Variants in CD276 observed in about 807,000 individuals in gnomAD.
CD276 encodes CD276 molecule, also known as CD276 antigen.
CD276 carries 34 observed loss-of-function variants against 50.0 expected under a neutral mutation model. The ratio of observed to expected loss-of-function variants is 0.68; its 90% CI spans 0.52 to 0.91. The LOEUF (loss-of-function observed/expected upper bound fraction) is 0.91, where lower values mean the gene tolerates loss of function less well. CD276 is among the 40% of genes least tolerant of loss of function. The pLI is 0.00. For missense variants in CD276, 634 were observed against 717.5 expected (o/e 0.88, Z 1.33); for synonymous variants, 275 against 313.0 (o/e 0.88, Z 1.28).
intron 7 of CD276, 165 bp downstream of exon 7, chr15:73,708,638 G>A (rs950924317): frequency 1.3e-6 from 1 of 750,060 alleles, no homozygotes; most frequent in South Asian, 1.8e-5. Flanking sequence ...TACGTCTTGT[G>A]TGTGTGAACA....
chr15:73,692,128 A>T (rs1388319380), intron 1 of CD276, among the ~76,000 whole-genome samples: 1 of 151,980 alleles, frequency 6.6e-6, no homozygotes, highest in Non-Finnish European at 1.5e-5. Context: ...TATGCTGTGG[A>T]CATCTCCTCT....
In CD276 at chr15:73,703,859, G is replaced by A. The variant is rs757435411; in HGVS notation, c.934G>A (p.Ala312Thr). Residue 312 changes from alanine to threonine, a missense_variant, in exon 5 of 10, where the codon GCC becomes ACC. Ala to Thr is a moderately conservative substitution (Grantham distance 58). Coordinates refer to ENST00000318443, the MANE Select transcript of CD276 (RefSeq NM_001024736.2). ...DQGSAYANRT[A>T]LFPDLLAQGN... ...GGGCAGCGCCTATGCCAACCGCACG[G>A]CCCTCTTCCCGGACCTGCTGGCACA... 1.1e-5 allele frequency: 17 copies of A among 1,613,542 alleles called. No individual in the cohort carries two copies. In the African/African-American group the frequency reaches 2.1e-4, roughly 20 times the overall value.
At chr15:73,699,113 T>G (rs1900279977) in intron 1 of CD276, among the ~76,000 whole-genome samples, 2 of 152,186 alleles carry the variant, frequency 1.3e-5, no homozygotes, top group African/African-American at 4.8e-5. Context: ...GAAGCTCAGC[T>G]CTGACCGTGT....
At chr15:73,695,619 T>A (rs1385075755) in intron 1 of CD276, among the ~76,000 whole-genome samples, 1 of 152,158 alleles carries the variant, frequency 6.6e-6, no homozygotes, top group Non-Finnish European at 1.5e-5. Context: ...GTGAAATGAA[T>A]TACTAAAGAC....
chr15:73,690,432 A>C (rs916422017), intron 1 of CD276, among the ~76,000 whole-genome samples: 4 of 152,184 alleles, frequency 2.6e-5, no homozygotes, highest in African/African-American at 9.7e-5. Context: ...TACTGCTATA[A>C]CAGAATACCA....
chr15:73,699,444 C>G, intron 1 of CD276, 142 bp from the exon 2 acceptor site: 2 of 1,129,450 alleles, frequency 1.8e-6, no homozygotes, highest in Non-Finnish European at 1.2e-6. Context: ...GATTCCTCAG[C>G]AGGGGGCCCG....
chr15:73,689,517 A>T (rs2141535549), intron 1 of CD276, among the ~76,000 whole-genome samples: 1 of 151,722 alleles, frequency 6.6e-6, no homozygotes, highest in Non-Finnish European at 1.5e-5. Flanking sequence ...AACTCTAGGG[A>T]CCCTCCCATC....
At chr15:73,708,773 G>C in intron 7 of CD276, 1 of 424,248 alleles carries the variant, frequency 2.4e-6, no homozygotes, top group Non-Finnish European at 4.4e-6. Flanking sequence ...AAGTGTGCCT[G>C]TGAAAGTGTA....
chr15:73,712,951 G>A lies in CD276; in HGVS notation c.1600G>A (p.Ala534Thr). ...AAATGAAGATGATGGACAAGAAATAGCCTGACCATGAGGACCAGGGAGCTG... is the reference window on the plus strand; with the variant it reads ...AAATGAAGATGATGGACAAGAAATAACCTGACCATGAGGACCAGGGAGCTG... ...DSKEDDGQEI[A>T] is the part of the protein sequence containing the mutation. Residue 534 changes from alanine to threonine, a missense_variant, in exon 10 of 10, where the codon GCC becomes ACC. By Grantham distance (58) the Ala-to-Thr change is moderately conservative. Coordinates refer to ENST00000318443, the MANE Select transcript of CD276 (RefSeq NM_001024736.2). 1.9e-6 allele frequency: 3 copies of A among 1,613,732 alleles called. No individual in the cohort carries two copies. Among genetic ancestry groups the A allele is most frequent in the Non-Finnish European group, 2.5e-6 (3 of 1,179,836 alleles).
Position 73,713,847 on chromosome 15 carries a change from G to A in CD276, c.*891G>A, listed in dbSNP as rs1396105035. The A allele has an allele frequency of 6.8e-6, 3 of 440,636 alleles. No individual in the cohort carries two copies. Among genetic ancestry groups the A allele is most frequent in the Non-Finnish European group, 1.4e-5 (3 of 220,940 alleles). 27.3% of individuals were successfully genotyped at this position (440,636 alleles called of 1,614,324 possible). A position where few individuals can be genotyped will look rare whatever the true frequency, so the allele number is the denominator to read the frequency against. On this transcript the variant is annotated 3_prime_UTR_variant, in exon 10 of 10. Transcript: ENST00000318443. ...CTTTTCATGTATCCATTCAGTTGAT[G>A]TTTATTGAGCAACTACAGATGTCAG...
intron 1 of CD276, among the ~76,000 whole-genome samples, chr15:73,688,649 C>T (rs1323177633): frequency 6.6e-6 from 1 of 152,284 alleles, no homozygotes; most frequent in South Asian, 2.1e-4. Context: ...AGTGTGGGCC[C>T]TTGGCCAGCC....
chr15:73,692,867 T>A (rs1194856349), intron 1 of CD276, among the ~76,000 whole-genome samples: 2 of 152,234 alleles, frequency 1.3e-5, no homozygotes, highest in African/African-American at 2.4e-5. Flanking sequence ...AGATCGATAA[T>A]CTTGTTCTTA....
At chr15:73,711,192 G>A (rs966378) in intron 9 of CD276, 22 bp downstream of exon 9, 186,763 of 1,611,920 alleles carry the variant, frequency 0.12, 14,260 homozygotes, top group African/African-American at 0.39. Flanking sequence ...TGGGCTTGAG[G>A]TTGTGTCTGT....
chr15:73,708,113 A>T (rs574530622), intron 6 of CD276, among the ~76,000 whole-genome samples: 2 of 152,240 alleles, frequency 1.3e-5, no homozygotes, highest in Non-Finnish European at 2.9e-5. Context: ...ATTCAACCAC[A>T]GGCTCTTCAG....
Position 73,712,958 on chromosome 15 carries a change from C to A in CD276, c.*2C>A, listed in dbSNP as rs146613897. The A allele has an allele frequency of 6.3e-4, 1,011 of 1,613,708 alleles. No homozygotes were observed. Among genetic ancestry groups the A allele is most frequent in the Non-Finnish European group, 7.5e-4 (883 of 1,179,810 alleles). ...GATGATGGACAAGAAATAGCCTGAC[C>A]ATGAGGACCAGGGAGCTGCTACCCC... On this transcript the variant is annotated 3_prime_UTR_variant, in exon 10 of 10. Coordinates refer to ENST00000318443, the MANE Select transcript of CD276 (RefSeq NM_001024736.2).
chr15:73,704,497 A>G lies in CD276; in HGVS notation c.1369+25A>G. 2 of 1,600,998 alleles carry G rather than the reference A, an allele frequency of 1.2e-6. No individual in the cohort carries two copies. The highest frequency in any genetic ancestry group is 8.5e-7 in the Non-Finnish European group (1 of 1,172,528). The stretch of plus-strand genomic sequence containing the variant: ...GGTAAGGGCAGATGAACAGCTGGGG[A>G]AGGACGGAGCGAGTAACTCCCTCTT... On this transcript the variant is annotated intron_variant, in intron 6 of 9. Transcript: ENST00000318443. The surrounding 1 kb of genome is among the most constrained non-coding windows in gnomAD (Gnocchi z 4.1).
chr15:73,687,500 T>A lies in CD276; in HGVS notation c.-55+3040T>A, dbSNP rs890700220. Among the ~76,000 whole-genome samples, 4 of 152,146 alleles carry A rather than the reference T, an allele frequency of 2.6e-5. No homozygotes were observed. The highest frequency in any genetic ancestry group is 9.7e-5 in the African/African-American group (4 of 41,440). On this transcript the variant is annotated intron_variant, in intron 1 of 9. Transcript: ENST00000318443. This position sits in a 1 kb window ranked among gnomAD's most constrained non-coding sequence, Gnocchi z 4.0. ...ATGTGCCAAGGGTCTCCTTAGTAAG[T>A]CAGGGAAGACTCATCTGGGGAACCA... is the stretch of plus-strand genomic sequence containing the variant.
intron 9 of CD276, chr15:73,711,678 A>G (rs900658795): frequency 6.3e-6 from 1 of 157,974 alleles, no homozygotes; most frequent in African/African-American, 2.4e-5. Flanking sequence ...GAGGCTAGAA[A>G]AGTGTTCAGC....
At chr15:73,710,002 G>A (rs983955159) in intron 8 of CD276, among the ~76,000 whole-genome samples, 28 of 141,158 alleles carry the variant, frequency 2.0e-4, no homozygotes, top group African/African-American at 7.0e-4. Context: ...CAGGGGCTCC[G>A]GAGATAGGGA....
Sources: allele counts gnomAD v4.1 joint callset (sites outside exome capture counted in the v4.1 genomes callset), GRCh38; gene constraint gnomAD v4.1.1; non-coding constraint Gnocchi (gnomAD v3.1); transcripts MANE v1.5; gene names NCBI Gene and HGNC (gene_info 2026-07-23, HGNC 2026-07-21).